Variants in TESMIN observed in about 807,000 individuals in gnomAD.
The protein encoded by TESMIN is testis expressed metallothionein like protein.
In TESMIN, 34 loss-of-function variants were observed where a neutral mutation model predicts 47.4. The ratio of observed to expected loss-of-function variants is 0.72; its 90% CI spans 0.55 to 0.96. TESMIN has a LOEUF of 0.96. TESMIN is among the 40% of genes least tolerant of loss of function. The probability of loss-of-function intolerance (pLI) is 0.00; values close to 1 mark genes in which losing one functional copy is unlikely to be tolerated. For missense variants in TESMIN, 610 were observed against 637.2 expected, an observed-to-expected ratio of 0.96 and a Z score of 0.46; for synonymous variants, 278 against 258.9, an observed-to-expected ratio of 1.07 and a Z score of -0.71.
chr11:68,736,305 T>G (rs1946386372), intron 6 of TESMIN: 1 of 985,452 alleles, frequency 1.0e-6, no homozygotes, highest in East Asian at 1.1e-4. Flanking sequence ...AGCTAGTTAA[T>G]AAGTTAGCCA....
chr11:68,744,281 C>T (rs1363571162), intron 4 of TESMIN, among the ~76,000 whole-genome samples: 1 of 152,216 alleles, frequency 6.6e-6, no homozygotes, highest in African/African-American at 2.4e-5. Context: ...CTCTCGTTAA[C>T]TCAAGATCTA....
chr11:68,718,030 TG>T (rs1269457414), intron 6 of TESMIN, among the ~76,000 whole-genome samples: 1 of 152,148 alleles, frequency 6.6e-6, no homozygotes, highest in African/African-American at 2.4e-5. Flanking sequence ...AATAGCTAAG[TG>T]ACCACCCTGT....
chr11:68,750,648 G>C lies in TESMIN; in HGVS notation c.13C>G (p.Pro5Ala). Residue 5 changes from proline to alanine, a missense_variant, in exon 2 of 10, where the codon CCT (proline) becomes GCT (alanine). Physicochemically the swap from Pro to Ala is conservative, Grantham distance 27. Transcript: ENST00000255087. MEEG[P>A]LPGGLPSPED... ...GGGCTGGGCAGCCCGCCCGGCAGAGGGCCCTCCTCCATGGCGCAGGGCGGC... is the reference window on the plus strand; with the variant it reads ...GGGCTGGGCAGCCCGCCCGGCAGAGCGCCCTCCTCCATGGCGCAGGGCGGC... The C allele has an allele frequency of 6.4e-7, 1 of 1,554,816 alleles. No individual in the cohort carries two copies. The highest frequency in any genetic ancestry group is 8.7e-7 in the Non-Finnish European group (1 of 1,149,378).
At position 68,738,752 on chromosome 11, in the gene TESMIN, C is replaced by A; in HGVS notation, c.865G>T (p.Ala289Ser). The change falls in exon 6 of 10, where the codon GCT becomes TCT. Residue 289 changes from alanine to serine, a missense_variant. By Grantham distance (99) the Ala-to-Ser change is moderately conservative. Coordinates refer to ENST00000255087, the MANE Select transcript of TESMIN (RefSeq NM_004923.3). ...GGAAGAGTTGATCCCGAGGGGAAAG[C>A]AGACCCGTTGACTACCGATGGTAAG... ...GALPSVVNGS[A>S]FPSGSTLPGP... The A allele has an allele frequency of 1.2e-6, 2 of 1,614,074 alleles. No homozygotes were observed. Among genetic ancestry groups the A allele is most frequent in the Non-Finnish European group, 1.7e-6 (2 of 1,179,952 alleles).
chr11:68,709,775 C>T (rs935208907), intron 9 of TESMIN, among the ~76,000 whole-genome samples: 7 of 151,894 alleles, frequency 4.6e-5, no homozygotes, highest in South Asian at 2.1e-4. Flanking sequence ...AGGCCCCCAC[C>T]GGACTCCACA....
At chr11:68,728,361 C>T (rs186022628) in intron 6 of TESMIN, among the ~76,000 whole-genome samples, 198 of 152,300 alleles carry the variant, frequency 1.3e-3, no homozygotes, top group African/African-American at 4.7e-3. Flanking sequence ...TAATGCTTGT[C>T]AATTCCGTTA....
chr11:68,743,202 C>T (rs1946479127), intron 4 of TESMIN, among the ~76,000 whole-genome samples: 2 of 151,450 alleles, frequency 1.3e-5, no homozygotes, highest in African/African-American at 4.9e-5. Context: ...TAAAGAAAGC[C>T]CAGGGACATC....
chr11:68,738,918 G>A (rs1339425927), intron 5 of TESMIN, 130 bp from the exon 6 acceptor site: 1 of 740,534 alleles, frequency 1.4e-6, no homozygotes, highest in Non-Finnish European at 2.2e-6. Flanking sequence ...TTATAACCAT[G>A]TCTGGCCTTA....
intron 3 of TESMIN, among the ~76,000 whole-genome samples, chr11:68,745,320 A>AG (rs1491281664): frequency 1.3e-5 from 2 of 150,302 alleles, no homozygotes; most frequent in East Asian, 1.9e-4. Flanking sequence ...AAAAAAAAAA[A>AG]GAAAAACCCA....
rs758349592 is a variant in TESMIN at position 68,708,288 on chromosome 11, A to G, written c.*20T>C. On this transcript the variant is annotated 3_prime_UTR_variant, in exon 10 of 10. Coordinates refer to ENST00000255087, the MANE Select transcript of TESMIN (RefSeq NM_004923.3). ...ATTTCTAGACTAAGACAAAATCAAC[A>G]TGCATTCACACTTTATACTCTACTC... The G allele has an allele frequency of 1.9e-6, 3 of 1,545,968 alleles. No individual in the cohort carries two copies. In the East Asian group the frequency reaches 6.8e-5, roughly 35 times the overall value.
chr11:68,740,226 GC>G (rs1946440167), intron 5 of TESMIN, among the ~76,000 whole-genome samples: 1 of 152,172 alleles, frequency 6.6e-6, no homozygotes, highest in Non-Finnish European at 1.5e-5. Context: ...TTCTTAACAA[GC>G]TCCCAGGTGA....
chr11:68,733,397 G>GC (rs1458598134), intron 6 of TESMIN, among the ~76,000 whole-genome samples: 2 of 152,104 alleles, frequency 1.3e-5, no homozygotes, highest in African/African-American at 4.8e-5. Context: ...GAAAAATTAC[G>GC]CCCCTTGAAG....
intron 6 of TESMIN, among the ~76,000 whole-genome samples, chr11:68,733,946 G>A (rs1449622706): frequency 6.6e-6 from 1 of 152,156 alleles, no homozygotes; most frequent in East Asian, 1.9e-4. Context: ...TGCATGCGGA[G>A]CAGGGTCCTA....
Position 68,750,572 on chromosome 11 carries a change from G to A in TESMIN, c.89C>T (p.Ser30Leu). 6.2e-7 allele frequency: 1 copy of A among 1,607,648 alleles called. No individual in the cohort carries two copies. The highest frequency in any genetic ancestry group is 1.3e-5 in the African/African-American group (1 of 74,684). Residue 30 changes from serine to leucine, a missense_variant, in exon 2 of 10, where the codon TCG becomes TTG. Transcript: ENST00000255087. ...ELLSPEGPFA[S>L]ENIGLKAPVK... ...GGGGGCCTTCAGGCCGATGTTCTCC[G>A]AAGCGAACGGACCCTCGGGGCTTAA...
intron 6 of TESMIN, chr11:68,737,735 AACC>A: frequency 1.1e-6 from 1 of 911,882 alleles, no homozygotes; most frequent in African/African-American, 1.8e-5. Context: ...AACATGGTAA[AACC>A]CAGTCTCTAC....
chr11:68,713,254 G>A lies in TESMIN; in HGVS notation c.1158+16C>T. On this transcript the variant is annotated intron_variant, in intron 8 of 9. Transcript: ENST00000255087. The stretch of plus-strand genomic sequence containing the variant: ...CCTGTGTTTTTTGTTAGTGAGTTAG[G>A]GAGCTGGGCACTAACCTCATAGCAC... 6.2e-7 allele frequency: 1 copy of A among 1,605,708 alleles called. No homozygotes were observed. The highest frequency in any genetic ancestry group is 8.5e-7 in the Non-Finnish European group (1 of 1,175,230).
In TESMIN at chr11:68,738,746, G is replaced by C. The variant is rs548457017; in HGVS notation, c.871C>G (p.Pro291Ala). The change falls in exon 6 of 10, where the codon CCC (proline) becomes GCC (alanine). Residue 291 changes from proline (P) to alanine (A), a missense_variant. Coordinates refer to ENST00000255087, the MANE Select transcript of TESMIN (RefSeq NM_004923.3). ...GGTCCTGGAAGAGTTGATCCCGAGG[G>C]GAAAGCAGACCCGTTGACTACCGAT... Reference protein sequence around the residue: ...LPSVVNGSAFPSGSTLPGPPK... With the variant: ...LPSVVNGSAFASGSTLPGPPK... The C allele has an allele frequency of 3.7e-6, 6 of 1,613,866 alleles. No homozygotes were observed. The Admixed American group carries it at 5.0e-5, about 13-fold the overall frequency.
intron 4 of TESMIN, among the ~76,000 whole-genome samples, chr11:68,743,234 CTTTTT>C (rs57435562): frequency 2.4e-5 from 3 of 123,060 alleles, no homozygotes; most frequent in Non-Finnish European, 1.7e-5. Flanking sequence ...ACAGGAACTA[CTTTTT>C]TTTTTTTTTT....
At chr11:68,717,416 A>G (rs1594287349) in intron 6 of TESMIN, among the ~76,000 whole-genome samples, 3 of 152,182 alleles carry the variant, frequency 2.0e-5, no homozygotes, top group Admixed American at 2.0e-4. Context: ...CGAGCTCCCC[A>G]AGGAGTGAAT....
Sources: gnomAD v4.1 joint callset for allele counts (sites outside exome capture counted in the v4.1 genomes callset) on GRCh38, gnomAD v4.1.1 for gene constraint, MANE v1.5 for transcripts, NCBI Gene and HGNC (gene_info 2026-07-23, HGNC 2026-07-21) for gene names.